The following GNG4 variants were observed in gnomAD, a reference collection of about 807,000 sequenced individuals.
The protein encoded by GNG4 is G protein subunit gamma 4, also known as guanine nucleotide-binding protein G(I)/G(S)/G(O) subunit gamma-4.
In GNG4, 4 loss-of-function variants were observed where a neutral mutation model predicts 5.8. That is an observed-to-expected ratio of 0.69 (90% CI 0.34 to 1.57). The LOEUF is 1.57. GNG4 is among the 40% of genes most tolerant of loss of function. GNG4 has a pLI of 0.06. For missense variants in GNG4, 96 were observed against 95.1 expected (o/e 1.01, Z -0.04); for synonymous variants, 29 against 32.9 (o/e 0.88, Z 0.41).
In GNG4 at chr1:235,549,998, A is replaced by T. The variant is rs1686698417; in HGVS notation, c.*2111T>A. ...GCAGGTTAGAACATTTCAGGCACAA[A>T]TGGCCTGTTCTCTATCACACAGCAA... On this transcript the variant is annotated 3_prime_UTR_variant, in exon 4 of 4. Coordinates refer to ENST00000391854, the MANE Select transcript of GNG4 (RefSeq NM_001098722.2). 6.6e-6 allele frequency: 1 copy of T among 152,250 alleles called. No homozygotes were observed. The highest frequency in any genetic ancestry group is 1.5e-5 in the Non-Finnish European group (1 of 68,054). 9.4% of individuals were successfully genotyped at this position (152,250 alleles called of 1,614,324 possible). A position where few individuals can be genotyped will look rare whatever the true frequency, so the allele number is the denominator to read the frequency against.
chr1:235,565,799 G>T (rs1687179113), intron 3 of GNG4: 1 of 152,194 alleles, frequency 6.6e-6, no homozygotes, highest in Non-Finnish European at 1.5e-5. Context: ...GAAATACGAG[G>T]CAGTAGACTG....
chr1:235,616,401 G>A, intron 1 of GNG4: 1 of 292,564 alleles, frequency 3.4e-6, no homozygotes, highest in South Asian at 3.6e-5. Context: ...ATTGGGTAGG[G>A]CCCTGCCAGG....
At chr1:235,618,589 A>G (rs1307548055) in intron 1 of GNG4, among the ~76,000 whole-genome samples, 4 of 151,934 alleles carry the variant, frequency 2.6e-5, no homozygotes, top group Admixed American at 6.6e-5. Context: ...GGCTGTGTTC[A>G]CAAACTGATT....
At position 235,620,680 on chromosome 1, in the gene GNG4, T is replaced by C. The variant is rs368884334; in HGVS notation, c.-122-25169A>G. On this transcript the variant is annotated intron_variant, in intron 1 of 3. Transcript: ENST00000391854. ...CCTCCCATGTAGCTGGGACTACAGGTGCCCGCCACCACGCCCAGCTAAGTT... is the reference window on the plus strand; with the variant it reads ...CCTCCCATGTAGCTGGGACTACAGGCGCCCGCCACCACGCCCAGCTAAGTT... Among the ~76,000 whole-genome samples, 709 of 152,170 alleles carry C rather than the reference T, an allele frequency of 4.7e-3. 6 individuals are homozygous for C. The highest frequency in any genetic ancestry group is 0.016 in the African/African-American group (664 of 41,554).
chr1:235,557,277 T>C (rs1049082022), intron 3 of GNG4, among the ~76,000 whole-genome samples: 7 of 144,620 alleles, frequency 4.8e-5, no homozygotes, highest in African/African-American at 1.7e-4. Flanking sequence ...TCAAGTGGCC[T>C]GGAACATTCT....
Position 235,586,308 on chromosome 1 carries a change from T to C in GNG4, c.-10-2460A>G, listed in dbSNP as rs1033611373. On this transcript the variant is annotated intron_variant, in intron 2 of 3. Coordinates refer to ENST00000391854, the MANE Select transcript of GNG4 (RefSeq NM_001098722.2). Reference sequence around the variant, plus strand: ...TCCTGCACATGTGTTGGTGTGTCCTTGGGTGTGTCTGTATGTGCCCACGTG... The same window carrying C: ...TCCTGCACATGTGTTGGTGTGTCCTCGGGTGTGTCTGTATGTGCCCACGTG... Among the ~76,000 whole-genome samples, 3 of 151,152 alleles carry C rather than the reference T, an allele frequency of 2.0e-5. No homozygotes were observed. The East Asian group carries it at 5.8e-4, about 29-fold the overall frequency.
chr1:235,616,748 G>T (rs1012373606), intron 1 of GNG4, among the ~76,000 whole-genome samples: 1 of 151,700 alleles, frequency 6.6e-6, no homozygotes, highest in East Asian at 1.9e-4. Flanking sequence ...GTGTGTGCGC[G>T]CGTGTTTTGA....
rs549121000 is a variant in GNG4 at position 235,631,812 on chromosome 1, C to A, written c.-123+17850G>T. Among the ~76,000 whole-genome samples, 320 of 152,332 alleles carry A rather than the reference C, an allele frequency of 2.1e-3. 3 individuals carry two copies. Among genetic ancestry groups the A allele is most frequent in the Admixed American group, 0.018 (278 of 15,300 alleles). On this transcript the variant is annotated intron_variant, in intron 1 of 3. Transcript: ENST00000391854. ...TGAACTCCTGACCTCAGGTGATCCACCTGCCTTGGCCTCCCAAAGTGCCGG... is the reference window on the plus strand; with the variant it reads ...TGAACTCCTGACCTCAGGTGATCCAACTGCCTTGGCCTCCCAAAGTGCCGG...
chr1:235,631,588 T>C (rs897744946), intron 1 of GNG4, among the ~76,000 whole-genome samples: 11 of 139,066 alleles, frequency 7.9e-5, no homozygotes, highest in South Asian at 2.2e-4. Flanking sequence ...TTTTTTTTTT[T>C]CAGACAGAGT....
At chr1:235,611,557 G>A (rs912557739) in intron 1 of GNG4, among the ~76,000 whole-genome samples, 16 of 152,164 alleles carry the variant, frequency 1.1e-4, no homozygotes, top group African/African-American at 3.9e-4. Flanking sequence ...ATGTATATCT[G>A]TGACTTAGGG....
At position 235,587,623 on chromosome 1, in the gene GNG4, ATGTGGGGTGGAGTGTGAG is replaced by A. The variant is rs1558486400; in HGVS notation, c.-10-3793_-10-3776del. Reference sequence around the variant, plus strand: ...GGAGGGCATGGGGTGGGGTGTGTGAATGTGGGGTGGAGTGTGAGTGTGGGAGGGTGTTGGGTGTGTGTG... The same window carrying A: ...GGAGGGCATGGGGTGGGGTGTGTGAATGTGGGAGGGTGTTGGGTGTGTGTG... On this transcript the variant is annotated intron_variant, in intron 2 of 3. Coordinates refer to ENST00000391854, the MANE Select transcript of GNG4 (RefSeq NM_001098722.2). Among the ~76,000 whole-genome samples, 6 of 640 alleles carry A rather than the reference ATGTGGGGTGGAGTGTGAG, an allele frequency of 9.4e-3. 1 individual carries two copies. The South Asian group carries it at 0.19, about 20-fold the overall frequency. 0.4% of individuals were successfully genotyped at this position (640 alleles called of 152,430 possible).
At chr1:235,553,280 C>T (rs1686801482) in intron 3 of GNG4, among the ~76,000 whole-genome samples, 1 of 152,168 alleles carries the variant, frequency 6.6e-6, no homozygotes, top group South Asian at 2.1e-4. Flanking sequence ...CAGTTACCAG[C>T]TTATTTTGTT....
intron 1 of GNG4, among the ~76,000 whole-genome samples, chr1:235,622,557 T>A (rs1402378758): frequency 6.6e-6 from 1 of 151,878 alleles, no homozygotes; most frequent in Non-Finnish European, 1.5e-5. Flanking sequence ...CTACTAAAAA[T>A]ACAAAAATTC....
intron 1 of GNG4, among the ~76,000 whole-genome samples, chr1:235,611,874 G>A (rs1382899445): frequency 6.6e-6 from 1 of 151,810 alleles, no homozygotes; most frequent in Non-Finnish European, 1.5e-5. Context: ...AACAGCCGAG[G>A]CAACATAGTA....
chr1:235,631,756 T>TG (rs35903140), intron 1 of GNG4, among the ~76,000 whole-genome samples: 13,240 of 151,900 alleles, frequency 0.087, 1,905 homozygotes, highest in African/African-American at 0.3. Flanking sequence ...TTAGTAGAGA[T>TG]GGGGTTTCAC....
intron 1 of GNG4, among the ~76,000 whole-genome samples, chr1:235,619,786 C>A (rs1312053211): frequency 6.6e-6 from 1 of 152,156 alleles, no homozygotes; most frequent in Non-Finnish European, 1.5e-5. Context: ...GTTTATGACT[C>A]TGGAAGATTT....
intron 1 of GNG4, among the ~76,000 whole-genome samples, chr1:235,616,548 T>C (rs1688593583): frequency 6.6e-6 from 1 of 152,154 alleles, no homozygotes; most frequent in African/African-American, 2.4e-5. Context: ...ATGTCAGCGG[T>C]GTTTACAATG....
intron 3 of GNG4, among the ~76,000 whole-genome samples, chr1:235,570,111 T>G (rs764748385): frequency 2.0e-5 from 3 of 152,144 alleles, no homozygotes; most frequent in South Asian, 2.1e-4. Context: ...TCCTGAAGAG[T>G]ATTTTCTATT....
intron 3 of GNG4, among the ~76,000 whole-genome samples, chr1:235,572,298 C>G (rs1454680799): frequency 1.3e-5 from 2 of 152,120 alleles, no homozygotes; most frequent in Non-Finnish European, 2.9e-5. Context: ...CTCCCGGGTT[C>G]AAGCGATTCT....
Sources: gnomAD v4.1 joint callset for allele counts (sites outside exome capture counted in the v4.1 genomes callset) on GRCh38, gnomAD v4.1.1 for gene constraint, MANE v1.5 for transcripts, NCBI Gene and HGNC (gene_info 2026-07-23, HGNC 2026-07-21) for gene names.